Variants in ASNS observed in about 807,000 individuals in gnomAD.
ASNS encodes asparagine synthetase [glutamine-hydrolyzing].
A neutral mutation model predicts 62.6 loss-of-function variants in ASNS; 37 were observed. That is an observed-to-expected ratio of 0.59 (90% CI 0.45 to 0.78). The LOEUF is 0.78. Among genes scored for constraint, ASNS ranks in the 30% least tolerant of loss-of-function variants. The probability of loss-of-function intolerance (pLI) is 0.00; values close to 1 mark genes in which losing one functional copy is unlikely to be tolerated. For missense variants in ASNS, 520 were observed against 682.4 expected, an observed-to-expected ratio of 0.76 and a Z score of 2.65; for synonymous variants, 207 against 237.9, an observed-to-expected ratio of 0.87 and a Z score of 1.19.
chr7:97,910,430 C>A, the ASNS span, among the ~76,000 whole-genome samples: 1 of 152,148 alleles, frequency 6.6e-6, no homozygotes, highest in Non-Finnish European at 1.5e-5. Flanking sequence ...TTAGAATAAC[C>A]TGCAAGGGAA....
chr7:97,864,196 T>C (rs1484643684), intron 4 of ASNS, 63 bp downstream of exon 4: 2 of 1,422,778 alleles, frequency 1.4e-6, no homozygotes, highest in African/African-American at 1.4e-5. Flanking sequence ...TTTTCAAATA[T>C]AATTTAAAAG....
the ASNS span, among the ~76,000 whole-genome samples, chr7:97,919,978 G>A: frequency 6.6e-6 from 1 of 151,574 alleles, no homozygotes; most frequent in Middle Eastern, 3.4e-3. Flanking sequence ...CTGCCCCACA[G>A]CTCCCTTCTC....
At chr7:97,888,333 T>C in the ASNS span, among the ~76,000 whole-genome samples, 1 of 151,690 alleles carries the variant, frequency 6.6e-6, no homozygotes, top group Non-Finnish European at 1.5e-5. Flanking sequence ...TTTCTTTTTT[T>C]TTTTTTTTTT....
chr7:97,870,543 A>C (rs1201886929), intron 1 of ASNS, among the ~76,000 whole-genome samples: 1 of 152,212 alleles, frequency 6.6e-6, no homozygotes, highest in Non-Finnish European at 1.5e-5. Context: ...GTTAGAATGA[A>C]AATCATCTCA....
chr7:97,890,721 T>C, the ASNS span, among the ~76,000 whole-genome samples: 3 of 152,162 alleles, frequency 2.0e-5, no homozygotes, highest in South Asian at 6.2e-4. Context: ...TACTCCAGCC[T>C]GGGTGGCAGA....
chr7:97,918,480 G>A, the ASNS span, among the ~76,000 whole-genome samples: 21 of 152,194 alleles, frequency 1.4e-4, no homozygotes, highest in African/African-American at 4.3e-4. Context: ...GCATCCACAC[G>A]TCAGAATAAC....
chr7:97,912,604 A>G, the ASNS span, among the ~76,000 whole-genome samples: 273 of 116,196 alleles, frequency 2.3e-3, 1 homozygote, highest in Non-Finnish European at 3.5e-3. Context: ...CTGTTTTCAG[A>G]CAGAGCCTCG....
At chr7:97,863,896 T>C in intron 4 of ASNS, 1 of 187,364 alleles carries the variant, frequency 5.3e-6, no homozygotes, top group South Asian at 1.3e-4. Context: ...GTTTTAGAAA[T>C]CCTAACACTT....
At chr7:97,914,151 C>CATGGATGGATGG in the ASNS span, among the ~76,000 whole-genome samples, 14 of 125,170 alleles carry the variant, frequency 1.1e-4, no homozygotes, top group African/African-American at 3.5e-4. Context: ...TGGATGGATG[C>CATGGATGGATGG]ATGGATGGAT....
At chr7:97,862,919 A>G (rs975074179) in intron 4 of ASNS, among the ~76,000 whole-genome samples, 2 of 152,230 alleles carry the variant, frequency 1.3e-5, no homozygotes, top group African/African-American at 4.8e-5. Flanking sequence ...CACTGTCAAC[A>G]GGAAAATACA....
At chr7:97,885,914 T>TG in the ASNS span, 1 of 562,272 alleles carries the variant, frequency 1.8e-6, no homozygotes, top group African/African-American at 1.9e-5. Flanking sequence ...ATGCCAATGA[T>TG]GGGCTCTCCT....
At chr7:97,874,463 AG>A (rs1361741296), upstream of ASNS, among the ~76,000 whole-genome samples, 2 of 152,246 alleles carry the variant, frequency 1.3e-5, no homozygotes, top group African/African-American at 4.8e-5. Context: ...AAGTAATGAC[AG>A]GCATAGGAAA....
At chr7:97,920,310 TC>T in the ASNS span, among the ~76,000 whole-genome samples, 5 of 152,138 alleles carry the variant, frequency 3.3e-5, no homozygotes, top group African/African-American at 1.2e-4. Flanking sequence ...GGCCCTCTTG[TC>T]CTAACTCTGC....
chr7:97,923,108 T>C, the ASNS span, among the ~76,000 whole-genome samples: 2 of 152,120 alleles, frequency 1.3e-5, no homozygotes, highest in Non-Finnish European at 2.9e-5. Flanking sequence ...AAAGATTGTT[T>C]AATTCAACTA....
At chr7:97,902,784 GAAAC>G in the ASNS span, among the ~76,000 whole-genome samples, 1 of 152,096 alleles carries the variant, frequency 6.6e-6, no homozygotes, top group South Asian at 2.1e-4. Flanking sequence ...CCCAATTCAA[GAAAC>G]AAAATATTAC....
At chr7:97,927,760 G>A in the ASNS span, among the ~76,000 whole-genome samples, 1 of 151,448 alleles carries the variant, frequency 6.6e-6, no homozygotes, top group African/African-American at 2.4e-5. Context: ...CTTCTCCCGG[G>A]ATCTCAGAGA....
the ASNS span, among the ~76,000 whole-genome samples, chr7:97,889,927 C>CAAAAAAAAAAAAA: frequency 6.4e-3 from 245 of 38,540 alleles, 1 homozygote; most frequent in East Asian, 8.2e-3. Flanking sequence ...ATAATGAATA[C>CAAAAAAAAAAAAA]AAAAAAAAAA....
intron 3 of ASNS, among the ~76,000 whole-genome samples, chr7:97,866,440 G>A (rs571657371): frequency 2.0e-5 from 3 of 152,294 alleles, no homozygotes; most frequent in Admixed American, 2.0e-4. Flanking sequence ...CAAAGGGACT[G>A]TCTGCCACTG....
the ASNS span, among the ~76,000 whole-genome samples, chr7:97,924,338 C>T: frequency 3.9e-5 from 6 of 152,218 alleles, no homozygotes; most frequent in African/African-American, 1.4e-4. Flanking sequence ...CCCACTTATG[C>T]ACTGCATTCC....
Sources: allele counts gnomAD v4.1 joint callset (sites outside exome capture counted in the v4.1 genomes callset), GRCh38; gene constraint gnomAD v4.1.1; transcripts MANE v1.5; gene names NCBI Gene and HGNC (gene_info 2026-07-23, HGNC 2026-07-21).